The following SLC9A9 variants were observed in gnomAD, a reference collection of about 807,000 sequenced individuals.
The protein encoded by SLC9A9 is solute carrier family 9 member A9, also known as sodium/hydrogen exchanger 9.
In SLC9A9, 62 loss-of-function variants were observed where a neutral mutation model predicts 77.8. The observed-to-expected ratio is 0.80, with a 90% CI of 0.65 to 0.98. SLC9A9 has a LOEUF of 0.98. Ranked by LOEUF, SLC9A9 falls within the 50% of genes least tolerant of loss-of-function variation. The pLI is 0.00. For missense variants in SLC9A9, 775 were observed against 774.9 expected (o/e 1.00, Z 0.00); for synonymous variants, 320 against 283.5 (o/e 1.13, Z -1.29).
At chr3:143,723,197 G>T (rs1363793102) in intron 4 of SLC9A9, among the ~76,000 whole-genome samples, 2 of 151,780 alleles carry the variant, frequency 1.3e-5, no homozygotes, top group African/African-American at 4.8e-5. Context: ...TGTCTCCCTG[G>T]GTATGTGATT....
chr3:143,399,035 G>A (rs937757959), intron 12 of SLC9A9, among the ~76,000 whole-genome samples: 2 of 151,750 alleles, frequency 1.3e-5, no homozygotes, highest in South Asian at 2.1e-4. Context: ...ATATGTACAT[G>A]CACATATATA....
At chr3:143,478,783 G>C (rs529988298) in intron 11 of SLC9A9, among the ~76,000 whole-genome samples, 3 of 152,296 alleles carry the variant, frequency 2.0e-5, no homozygotes, top group Admixed American at 6.5e-5. Flanking sequence ...AACATGGTTT[G>C]CTTGTGTTAA....
intron 9 of SLC9A9, among the ~76,000 whole-genome samples, chr3:143,504,544 T>C (rs1046903709): frequency 3.3e-5 from 5 of 152,170 alleles, no homozygotes; most frequent in African/African-American, 1.2e-4. Context: ...CTCTATAAAG[T>C]TGAAGATTTA....
intron 12 of SLC9A9, among the ~76,000 whole-genome samples, chr3:143,465,475 T>C (rs879275180): frequency 6.6e-6 from 1 of 152,208 alleles, no homozygotes; most frequent in Non-Finnish European, 1.5e-5. Context: ...CAACTTCTTT[T>C]GGGGTAGAAA....
chr3:143,589,084 C>T (rs1005273004), intron 6 of SLC9A9, among the ~76,000 whole-genome samples: 18 of 152,170 alleles, frequency 1.2e-4, no homozygotes, highest in African/African-American at 1.4e-4. Flanking sequence ...TTAATCCCCA[C>T]GGTTGAAAAT....
At chr3:143,660,724 G>A (rs770844313) in intron 5 of SLC9A9, among the ~76,000 whole-genome samples, 10 of 152,130 alleles carry the variant, frequency 6.6e-5, no homozygotes, top group Non-Finnish European at 1.2e-4. Flanking sequence ...CATACATTTG[G>A]TTTTTCAATA....
At chr3:143,295,150 C>A (rs2030206374) in intron 14 of SLC9A9, among the ~76,000 whole-genome samples, 1 of 152,192 alleles carries the variant, frequency 6.6e-6, no homozygotes. Context: ...ATGTAAAAAT[C>A]TGACTTCCAG....
At chr3:143,697,636 A>G (rs555727708) in intron 4 of SLC9A9, among the ~76,000 whole-genome samples, 1 of 152,056 alleles carries the variant, frequency 6.6e-6, no homozygotes, top group South Asian at 2.1e-4. Flanking sequence ...TACATACTTA[A>G]CCACCAACTC....
chr3:143,591,163 C>T (rs556545543), intron 6 of SLC9A9, among the ~76,000 whole-genome samples: 1 of 152,206 alleles, frequency 6.6e-6, no homozygotes, highest in African/African-American at 2.4e-5. Context: ...TTCCCCCAGA[C>T]CCTTCCCTGA....
intron 12 of SLC9A9, among the ~76,000 whole-genome samples, chr3:143,428,581 G>T (rs1471173177): frequency 6.6e-6 from 1 of 152,190 alleles, no homozygotes; most frequent in Non-Finnish European, 1.5e-5. Flanking sequence ...AACCCCATTA[G>T]TGGGTGTGTA....
At chr3:143,363,446 G>A (rs1576449558) in intron 14 of SLC9A9, 38 bp downstream of exon 14, 2 of 1,576,958 alleles carry the variant, frequency 1.3e-6, no homozygotes, top group Non-Finnish European at 1.7e-6. Flanking sequence ...TTCTCTGCCT[G>A]CAGCAGGATC....
At chr3:143,695,705 G>T (rs1933617414) in intron 4 of SLC9A9, among the ~76,000 whole-genome samples, 1 of 152,156 alleles carries the variant, frequency 6.6e-6, no homozygotes, top group African/African-American at 2.4e-5. Context: ...CCAGTAATGG[G>T]ATTGCTGGGT....
rs11920849 is a variant in SLC9A9 at position 143,669,313 on chromosome 3, C to T, written c.650-16953G>A. On this transcript the variant is annotated intron_variant, in intron 5 of 15. Coordinates refer to ENST00000316549, the MANE Select transcript of SLC9A9 (RefSeq NM_173653.4). ...GGACACTGACTTTCAAAACTTCCAT[C>T]CTATACGTCTTTGAGCATTACTGAG... is the stretch of plus-strand genomic sequence containing the variant. Among the ~76,000 whole-genome samples the T allele has an allele frequency of 4.2e-3, 645 of 152,310 alleles. 5 individuals carry two copies. The highest frequency in any genetic ancestry group is 0.015 in the African/African-American group (612 of 41,560).
At chr3:143,683,865 G>C (rs913373336) in intron 5 of SLC9A9, among the ~76,000 whole-genome samples, 3 of 151,894 alleles carry the variant, frequency 2.0e-5, no homozygotes, top group African/African-American at 7.3e-5. Flanking sequence ...TAACCAGGTA[G>C]GAAGAATCAT....
chr3:143,303,943 G>T (rs960666093), intron 14 of SLC9A9, among the ~76,000 whole-genome samples: 7 of 152,212 alleles, frequency 4.6e-5, no homozygotes, highest in African/African-American at 1.7e-4. Context: ...ATTCATTCCA[G>T]GTTAGTCTTT....
intron 4 of SLC9A9, among the ~76,000 whole-genome samples, chr3:143,742,310 A>G (rs1935092866): frequency 6.6e-6 from 1 of 152,102 alleles, no homozygotes. Context: ...TGTTCCTCCA[A>G]TGCTCAGGGA....
At chr3:143,655,729 T>G in intron 5 of SLC9A9, 3 of 778,988 alleles carry the variant, frequency 3.9e-6, no homozygotes, top group Non-Finnish European at 4.7e-6. Context: ...CCCCTACCTC[T>G]AGGTAAGCAT....
chr3:143,733,138 A>G (rs1934850240), intron 4 of SLC9A9, among the ~76,000 whole-genome samples: 1 of 152,092 alleles, frequency 6.6e-6, no homozygotes, highest in Non-Finnish European at 1.5e-5. Context: ...CAGATTTTGA[A>G]CTTTATAATG....
At chr3:143,499,124 G>A (rs991414477) in intron 9 of SLC9A9, among the ~76,000 whole-genome samples, 28 of 152,148 alleles carry the variant, frequency 1.8e-4, no homozygotes, top group African/African-American at 6.8e-4. Context: ...TTTTACTGAT[G>A]TTTTCTGAAA....
Sources: gnomAD v4.1 joint callset for allele counts (sites outside exome capture counted in the v4.1 genomes callset) on GRCh38, gnomAD v4.1.1 for gene constraint, MANE v1.5 for transcripts, NCBI Gene and HGNC (gene_info 2026-07-23, HGNC 2026-07-21) for gene names.